SOCS7: variants seen among roughly 807,000 people sequenced by gnomAD.
SOCS7 encodes the protein NAP-4.
SOCS7 carries 18 observed loss-of-function variants against 58.9 expected under a neutral mutation model. That is an observed-to-expected ratio of 0.31 (90% CI 0.21 to 0.45). The LOEUF (loss-of-function observed/expected upper bound fraction) is 0.45. SOCS7 is among the 20% of genes least tolerant of loss of function. The pLI is 1.00. For synonymous variants in SOCS7, 388 were observed against 364.3 expected (o/e 1.06, Z -0.74); for missense variants, 667 against 837.3 (o/e 0.80, Z 2.51).
Position 38,401,890 on chromosome 17 carries a change from T to C in SOCS7, c.*2408T>C, listed in dbSNP as rs1435787214. The C allele has an allele frequency of 6.6e-6, 1 of 152,230 alleles. No homozygotes were observed. The highest frequency in any genetic ancestry group is 6.5e-5 in the Admixed American group (1 of 15,276). The allele number at this position is 152,230 out of a possible 1,614,324, so 9.4% of individuals were successfully genotyped here. On this transcript the variant is annotated 3_prime_UTR_variant, in exon 10 of 10. Coordinates refer to ENST00000612932, the MANE Select transcript of SOCS7 (RefSeq NM_014598.4). ...CCAGGCAGACCTGAGTGCCAAGGGG[T>C]TATGATGGTGAGGTGGAGCCCAAAG...
rs1490509908 is a variant in SOCS7, at chr17:38,395,448, C to G, written c.1817+4C>G. 6.2e-7 allele frequency: 1 copy of G among 1,612,678 alleles called. No homozygotes were observed. The highest frequency in any genetic ancestry group is 8.5e-7 in the Non-Finnish European group (1 of 1,178,834). On this transcript the variant is annotated splice_donor_region_variant and intron_variant, in intron 8 of 9. Transcript: ENST00000612932. ...TCCCAGATCTCCCACTGCCTAAGTACAATGGGGTTGTCAGGTTTGGGACAG... is the reference window on the plus strand; with the variant it reads ...TCCCAGATCTCCCACTGCCTAAGTAGAATGGGGTTGTCAGGTTTGGGACAG...
chr17:38,388,518 T>A (rs559375469), intron 7 of SOCS7, among the ~76,000 whole-genome samples: 1 of 152,072 alleles, frequency 6.6e-6, no homozygotes, highest in East Asian at 1.9e-4. Context: ...CAAGACTGTG[T>A]CTCAAGAAAA....
At chr17:38,380,225 C>T (rs183652989) in intron 7 of SOCS7, among the ~76,000 whole-genome samples, 1 of 152,224 alleles carries the variant, frequency 6.6e-6, no homozygotes, top group East Asian at 1.9e-4. Context: ...GTAGTGTTTG[C>T]AACTATTAAT....
At chr17:38,384,539 C>CCTT (rs2038042756) in intron 7 of SOCS7, among the ~76,000 whole-genome samples, 1 of 152,092 alleles carries the variant, frequency 6.6e-6, no homozygotes, top group African/African-American at 2.4e-5. Context: ...AGTGATCTTC[C>CCTT]CTTCTTAGCC....
intron 1 of SOCS7, among the ~76,000 whole-genome samples, chr17:38,354,246 C>G (rs1390040292): frequency 1.3e-5 from 2 of 152,116 alleles, no homozygotes; most frequent in African/African-American, 4.8e-5. Context: ...GTGATGGATT[C>G]TTGAGACATA....
intron 2 of SOCS7, 146 bp downstream of exon 2, chr17:38,361,921 A>G: frequency 3.2e-6 from 2 of 628,786 alleles, no homozygotes; most frequent in Non-Finnish European, 5.5e-6. Flanking sequence ...GTTTGGGGTG[A>G]GGCTATTTTT....
chr17:38,369,320 G>A (rs1286300717), intron 6 of SOCS7, among the ~76,000 whole-genome samples: 2 of 152,166 alleles, frequency 1.3e-5, no homozygotes, highest in Non-Finnish European at 2.9e-5. Context: ...GGGTTCTCTT[G>A]TGAGGCAGGA....
chr17:38,356,245 G>C (rs2037635944), intron 1 of SOCS7, among the ~76,000 whole-genome samples: 1 of 125,152 alleles, frequency 8.0e-6, no homozygotes, highest in African/African-American at 2.8e-5. Context: ...AGTTGGGTGT[G>C]GTAGTGTGCA....
chr17:38,367,831 T>C, intron 5 of SOCS7, 51 bp from the exon 6 acceptor site: 1 of 1,555,218 alleles, frequency 6.4e-7, no homozygotes, highest in South Asian at 1.2e-5. Context: ...ACTGAAAACT[T>C]TGACATTTCT....
At chr17:38,389,882 T>G (rs1399627705) in intron 7 of SOCS7, among the ~76,000 whole-genome samples, 3 of 104,794 alleles carry the variant, frequency 2.9e-5, no homozygotes, top group African/African-American at 1.5e-4. Context: ...TATATATATA[T>G]GTACATATAT....
Position 38,351,944 on chromosome 17 carries a change from C to T in SOCS7, c.-109C>T, listed in dbSNP as rs909803453. On this transcript the variant is annotated 5_prime_UTR_variant, in exon 1 of 10. Transcript: ENST00000612932. ...TCTATGAGGCAGAGGCCGCGGCGGC[C>T]GTTAGCGCTGTCGCTCCGGGGGCCG... 1.3e-5 allele frequency among the ~76,000 whole-genome samples: 2 copies of T among 151,452 alleles called. No homozygotes were observed. Among genetic ancestry groups the T allele is most frequent in the Admixed American group, 6.6e-5 (1 of 15,230 alleles).
intron 1 of SOCS7, among the ~76,000 whole-genome samples, chr17:38,355,656 C>T (rs587684805): frequency 6.6e-6 from 1 of 152,276 alleles, no homozygotes; most frequent in Non-Finnish European, 1.5e-5. Context: ...TAATTATGGG[C>T]TTCTATAGTC....
chr17:38,380,947 G>T (rs1471172192), intron 7 of SOCS7, among the ~76,000 whole-genome samples: 1 of 152,188 alleles, frequency 6.6e-6, no homozygotes, highest in Non-Finnish European at 1.5e-5. Context: ...AAGCTCAAAA[G>T]TTAAGTTACT....
rs1638717360 is a variant in SOCS7, at chr17:38,364,837, A to G, written c.1131A>G (p.Arg377=). 6.2e-7 allele frequency: 1 copy of G among 1,613,290 alleles called. No homozygotes were observed. The highest frequency in any genetic ancestry group is 1.3e-5 in the African/African-American group (1 of 74,772). The change falls in exon 3 of 10, where the codon AGA becomes AGG. Residue 377 remains arginine, a synonymous_variant. Coordinates refer to ENST00000612932, the MANE Select transcript of SOCS7 (RefSeq NM_014598.4). The part of the protein sequence containing the change: ...PHPPTPPPPP[R]RSLSLLDDIS... ...CTCCAACTCCCCCTCCTCCTCCGAG[A>G]AGAAGCCTCAGCCTCCTAGGTATAG...
chr17:38,386,304 A>G (rs1269499997), intron 7 of SOCS7, among the ~76,000 whole-genome samples: 1 of 141,492 alleles, frequency 7.1e-6, no homozygotes, highest in Non-Finnish European at 1.5e-5. Flanking sequence ...AGCCTGGGCA[A>G]AAGAGGGAGG....
intron 1 of SOCS7, among the ~76,000 whole-genome samples, chr17:38,356,482 A>G (rs1555566813): frequency 6.6e-6 from 1 of 151,756 alleles, no homozygotes; most frequent in Non-Finnish European, 1.5e-5. Flanking sequence ...GGTTCAAGCC[A>G]TTCTCCCGAA....
chr17:38,377,335 A>G (rs2037944531), intron 6 of SOCS7, among the ~76,000 whole-genome samples: 1 of 152,240 alleles, frequency 6.6e-6, no homozygotes, highest in African/African-American at 2.4e-5. Flanking sequence ...CTCAAAGGAA[A>G]TGCTCATTGG....
rs2038139599 is a variant in SOCS7, at chr17:38,389,881, A to ATATATG, written c.1682-5427_1682-5426insATATGT. Among the ~76,000 whole-genome samples, 52 of 103,624 alleles carry ATATATG rather than the reference A, an allele frequency of 5.0e-4. 2 individuals carry two copies. Among genetic ancestry groups the ATATATG allele is most frequent in the East Asian group, 7.8e-4 (3 of 3,826 alleles). 68.0% of individuals were successfully genotyped at this position (103,624 alleles called of 152,430 possible). On this transcript the variant is annotated intron_variant, in intron 7 of 9. Coordinates refer to ENST00000612932, the MANE Select transcript of SOCS7 (RefSeq NM_014598.4). ...TGTATGTGTGTACATATATATATAT[A>ATATATG]TGTACATATATATATATACACATAT... is the stretch of plus-strand genomic sequence containing the variant.
chr17:38,386,089 C>G (rs1363813585), intron 7 of SOCS7, among the ~76,000 whole-genome samples: 1 of 151,960 alleles, frequency 6.6e-6, no homozygotes, highest in African/African-American at 2.4e-5. Context: ...CTTTGGGAGG[C>G]CGAGGCAGGT....
Sources: gnomAD v4.1 joint callset for allele counts (sites outside exome capture counted in the v4.1 genomes callset) on GRCh38, gnomAD v4.1.1 for gene constraint, MANE v1.5 for transcripts, NCBI Gene and HGNC (gene_info 2026-07-23, HGNC 2026-07-21) for gene names.